The following CDH13 variants were observed in gnomAD, a reference collection of about 807,000 sequenced individuals.
The protein encoded by CDH13 is cadherin-13.
Under a neutral mutation model 63.8 loss-of-function variants are expected in CDH13, and 24 were observed. That is an observed-to-expected ratio of 0.38 (90% confidence interval 0.27 to 0.53). The LOEUF (loss-of-function observed/expected upper bound fraction) is 0.53. Ranked by LOEUF, CDH13 falls within the 20% of genes least tolerant of loss-of-function variation. The pLI is 0.85. For missense variants in CDH13, 1,049 were observed against 903.1 expected (o/e 1.16, Z -2.07); for synonymous variants, 503 against 355.3 (o/e 1.42, Z -4.67).
At chr16:83,013,234 G>C (rs1914340354) in intron 2 of CDH13, among the ~76,000 whole-genome samples, 3 of 152,228 alleles carry the variant, frequency 2.0e-5, no homozygotes, top group Admixed American at 2.0e-4. Flanking sequence ...TAGGTGAATA[G>C]TGTGGCTGTA....
At chr16:83,401,424 A>G (rs1287469125) in intron 6 of CDH13, among the ~76,000 whole-genome samples, 2 of 152,036 alleles carry the variant, frequency 1.3e-5, no homozygotes, top group African/African-American at 2.4e-5. Context: ...AGGTGGGAGA[A>G]TCGTTTGAAC....
At chr16:82,702,027 T>C (rs186961535) in intron 1 of CDH13, among the ~76,000 whole-genome samples, 1 of 152,306 alleles carries the variant, frequency 6.6e-6, no homozygotes, top group East Asian at 1.9e-4. Flanking sequence ...CTTATGGCAC[T>C]CAAGGTGTTC....
At chr16:83,730,012 T>C (rs1910863413) in intron 10 of CDH13, among the ~76,000 whole-genome samples, 1 of 152,206 alleles carries the variant, frequency 6.6e-6, no homozygotes, top group African/African-American at 2.4e-5. Context: ...ATGTGGACCC[T>C]CACGGTGCTA....
intron 6 of CDH13, among the ~76,000 whole-genome samples, chr16:83,375,103 G>C (rs1213876675): frequency 2.6e-5 from 4 of 152,166 alleles, no homozygotes; most frequent in African/African-American, 9.7e-5. Flanking sequence ...GCAAGTCAGA[G>C]CATTCGGTAT....
At position 83,149,865 on chromosome 16, in the gene CDH13, A is replaced by G. The variant is rs1003846912; in HGVS notation, c.483+24364A>G. Among the ~76,000 whole-genome samples the G allele has an allele frequency of 1.8e-4, 28 of 152,244 alleles. 1 individual carries two copies. Among genetic ancestry groups the G allele is most frequent in the African/African-American group, 6.3e-4 (26 of 41,464 alleles). On this transcript the variant is annotated intron_variant, in intron 4 of 13. Coordinates refer to ENST00000567109, the MANE Select transcript of CDH13 (RefSeq NM_001257.5). ...TGATGGTAATATTTACACCACAGAA[A>G]CAAACAAATATTACAAGTCAGGTCT...
intron 1 of CDH13, among the ~76,000 whole-genome samples, chr16:82,674,351 T>G (rs16958119): frequency 6.6e-6 from 1 of 152,180 alleles, no homozygotes; most frequent in Non-Finnish European, 1.5e-5. Flanking sequence ...ATATTGTAAT[T>G]GGACCACTTA....
chr16:82,927,284 A>G (rs754330514), intron 2 of CDH13, among the ~76,000 whole-genome samples: 1 of 152,210 alleles, frequency 6.6e-6, no homozygotes, highest in Admixed American at 6.5e-5. Context: ...TCAAGGAGAC[A>G]GAAAATAAAC....
At chr16:83,337,867 A>C in intron 5 of CDH13, among the ~76,000 whole-genome samples, 1 of 152,060 alleles carries the variant, frequency 6.6e-6, no homozygotes, top group East Asian at 1.9e-4. Flanking sequence ...ATGAGGCAAG[A>C]GTAAAAAGTA....
chr16:83,362,716 T>A (rs1221941604), intron 6 of CDH13, among the ~76,000 whole-genome samples: 1 of 152,214 alleles, frequency 6.6e-6, no homozygotes, highest in Non-Finnish European at 1.5e-5. Context: ...ATTTCCTCTG[T>A]CTCATTGTGG....
intron 5 of CDH13, among the ~76,000 whole-genome samples, chr16:83,236,504 A>G (rs2040148465): frequency 6.6e-6 from 1 of 152,224 alleles, no homozygotes; most frequent in South Asian, 2.1e-4. Flanking sequence ...AAATTTAATT[A>G]GTGAAACCCT....
At chr16:83,471,031 G>A (rs1282068625) in intron 6 of CDH13, among the ~76,000 whole-genome samples, 4 of 151,934 alleles carry the variant, frequency 2.6e-5, no homozygotes, top group Admixed American at 6.6e-5. Context: ...GCAGTGTGGC[G>A]TCTCCAGATA....
intron 1 of CDH13, among the ~76,000 whole-genome samples, chr16:82,785,613 C>G (rs1359496875): frequency 6.6e-6 from 1 of 152,132 alleles, no homozygotes; most frequent in Non-Finnish European, 1.5e-5. Context: ...TGTCTGTCTA[C>G]AATCTTGTAT....
At chr16:82,711,948 A>G (rs747121162) in intron 1 of CDH13, among the ~76,000 whole-genome samples, 1 of 152,206 alleles carries the variant, frequency 6.6e-6, no homozygotes, top group Non-Finnish European at 1.5e-5. Flanking sequence ...TCACACAGCT[A>G]CTAGGCAGTC....
intron 3 of CDH13, among the ~76,000 whole-genome samples, chr16:83,049,351 C>T (rs796325405): frequency 2.1e-5 from 2 of 97,552 alleles, no homozygotes; most frequent in African/African-American, 8.7e-5. Flanking sequence ...TTTTTTGAGA[C>T]AGAGTCTCAC....
At chr16:83,312,425 C>T (rs1329261026) in intron 5 of CDH13, among the ~76,000 whole-genome samples, 1 of 152,152 alleles carries the variant, frequency 6.6e-6, no homozygotes, top group Non-Finnish European at 1.5e-5. Flanking sequence ...TCTGGGGATC[C>T]CAGCGAGCAT....
At chr16:83,458,146 C>T (rs1001654257) in intron 6 of CDH13, among the ~76,000 whole-genome samples, 5 of 152,186 alleles carry the variant, frequency 3.3e-5, no homozygotes, top group East Asian at 3.9e-4. Context: ...TCTGCTGGGA[C>T]GTCTCTGTCT....
chr16:83,218,124 G>T (rs1440674274), intron 5 of CDH13, among the ~76,000 whole-genome samples: 2 of 152,098 alleles, frequency 1.3e-5, no homozygotes, highest in Non-Finnish European at 2.9e-5. Flanking sequence ...GTGGGTTAAT[G>T]GTTGTATTTG....
chr16:82,830,203 G>A (rs1243783755), intron 1 of CDH13, among the ~76,000 whole-genome samples: 1 of 152,092 alleles, frequency 6.6e-6, no homozygotes, highest in Non-Finnish European at 1.5e-5. Flanking sequence ...CCACTATCTT[G>A]CCCCTTTTCT....
At chr16:83,793,321 A>G (rs1035985565) in intron 13 of CDH13, among the ~76,000 whole-genome samples, 2 of 152,164 alleles carry the variant, frequency 1.3e-5, no homozygotes, top group Non-Finnish European at 2.9e-5. Flanking sequence ...TCATTTTGAA[A>G]CCGGATCTGA....
Sources: gnomAD v4.1 joint callset for allele counts (sites outside exome capture counted in the v4.1 genomes callset) on GRCh38, gnomAD v4.1.1 for gene constraint, MANE v1.5 for transcripts, NCBI Gene and HGNC (gene_info 2026-07-23, HGNC 2026-07-21) for gene names.